EBF3: variants seen among roughly 807,000 people sequenced by gnomAD.
The protein encoded by EBF3 is transcription factor COE3.
EBF3 carries 18 observed loss-of-function variants against 77.1 expected under a neutral mutation model. That is an observed-to-expected ratio of 0.23 (90% confidence interval 0.16 to 0.35). The LOEUF (loss-of-function observed/expected upper bound fraction) is 0.35. EBF3 is among the 10% of genes least tolerant of loss of function. The pLI, the probability that EBF3 is intolerant of heterozygous loss-of-function variation, is 1.00. For synonymous variants in EBF3, 350 were observed against 343.5 expected (o/e 1.02, Z -0.21); for missense variants, 558 against 860.0 (o/e 0.65, Z 4.39).
Position 129,947,630 on chromosome 10 carries a change from G to C in EBF3, c.554+9628C>G, listed in dbSNP as rs1858325838. Among the ~76,000 whole-genome samples, 1 of 149,472 alleles carries C rather than the reference G, an allele frequency of 6.7e-6. No homozygotes were observed. Among genetic ancestry groups the C allele is most frequent in the Admixed American group, 6.7e-5 (1 of 14,944 alleles). On this transcript the variant is annotated intron_variant, in intron 6 of 16. Coordinates refer to ENST00000440978, the MANE Select transcript of EBF3 (RefSeq NM_001375380.1). The surrounding 1 kb of genome is among the most constrained non-coding windows in gnomAD (Gnocchi z 4.5). ...AATTGAGCAATGCCACTTAAATTCT[G>C]AATATAAAGTTAAAATGTTTTCATT...
In EBF3 at chr10:129,958,928, G is replaced by A; in HGVS notation, c.485+6C>T. On this transcript the variant is annotated splice_donor_region_variant and intron_variant, in intron 5 of 16. Coordinates refer to ENST00000440978, the MANE Select transcript of EBF3 (RefSeq NM_001375380.1). ...GCGCCCCCGCCGCCCGCCGCCCGCC[G>A]CTCACCTGCACATGATCTCGTGGGT... is the stretch of plus-strand genomic sequence containing the variant. 6.3e-7 allele frequency: 1 copy of A among 1,587,964 alleles called. No homozygotes were observed. Among genetic ancestry groups the A allele is most frequent in the Admixed American group, 1.7e-5 (1 of 57,444 alleles).
chr10:129,886,534 G>A (rs1853598681), intron 6 of EBF3, among the ~76,000 whole-genome samples: 1 of 152,194 alleles, frequency 6.6e-6, no homozygotes, highest in Non-Finnish European at 1.5e-5. Context: ...TGTGGCTCGG[G>A]GAAGGACCAA....
At chr10:129,951,102 G>A (rs909524143) in intron 6 of EBF3, among the ~76,000 whole-genome samples, 8 of 152,266 alleles carry the variant, frequency 5.3e-5, no homozygotes, top group East Asian at 1.9e-4. Flanking sequence ...AAAGATCACC[G>A]TCCTCCTGGT....
At chr10:129,954,414 C>G (rs1449747366) in intron 6 of EBF3, among the ~76,000 whole-genome samples, 1 of 135,888 alleles carries the variant, frequency 7.4e-6, no homozygotes, top group Non-Finnish European at 1.6e-5. Context: ...GCCTCACTTC[C>G]CCCCCCCCTT....
chr10:129,872,312 T>C (rs141723751), intron 8 of EBF3, among the ~76,000 whole-genome samples: 13 of 152,374 alleles, frequency 8.5e-5, no homozygotes, highest in Admixed American at 8.5e-4. Context: ...CGTCACAGGC[T>C]CTAATGACAT....
rs1852316558 is a variant in EBF3 at position 129,870,287 on chromosome 10, C to T, written c.782-2375G>A. Among the ~76,000 whole-genome samples, 2 of 151,984 alleles carry T rather than the reference C, an allele frequency of 1.3e-5. No homozygotes were observed. The highest frequency in any genetic ancestry group is 2.4e-5 in the African/African-American group (1 of 41,370). On this transcript the variant is annotated intron_variant, in intron 8 of 16. Coordinates refer to ENST00000440978, the MANE Select transcript of EBF3 (RefSeq NM_001375380.1). This position sits in a 1 kb window ranked among gnomAD's most constrained non-coding sequence, Gnocchi z 4.4. The stretch of plus-strand genomic sequence containing the variant: ...ATAGCAAAATGAATTACACAGACAG[C>T]GTTAGAGATCTAATGATATACGCGC...
At chr10:129,933,223 T>A (rs375502737) in intron 6 of EBF3, among the ~76,000 whole-genome samples, 3 of 152,116 alleles carry the variant, frequency 2.0e-5, no homozygotes, top group African/African-American at 7.2e-5. Context: ...CACACACACA[T>A]ACGGGCACCA....
At chr10:129,860,565 G>T (rs887503904) in intron 10 of EBF3, among the ~76,000 whole-genome samples, 6 of 152,198 alleles carry the variant, frequency 3.9e-5, no homozygotes, top group Non-Finnish European at 8.8e-5. Flanking sequence ...CAATCGGGGT[G>T]CAGGGTGCAG....
At chr10:129,884,199 C>T (rs537508824) in intron 6 of EBF3, among the ~76,000 whole-genome samples, 1 of 152,288 alleles carries the variant, frequency 6.6e-6, no homozygotes, top group South Asian at 2.1e-4. Flanking sequence ...GGCCATCAGT[C>T]GCTGGAGTAT....
chr10:129,867,987 CGTCCCGCGGCCACCGCGG>C, intron 8 of EBF3, 75 bp from the exon 9 acceptor site: 1 of 1,566,164 alleles, frequency 6.4e-7, no homozygotes, highest in Non-Finnish European at 8.7e-7. Context: ...GGCCACCGCG[CGTCCCGCGGCCACCGCGG>C]GAGGAGAGGC....
At position 129,897,326 on chromosome 10, in the gene EBF3, G is replaced by T. The variant is rs1854465663; in HGVS notation, c.555-19477C>A. Among the ~76,000 whole-genome samples, 2 of 152,150 alleles carry T rather than the reference G, an allele frequency of 1.3e-5. No individual in the cohort carries two copies. Among genetic ancestry groups the T allele is most frequent in the African/African-American group, 2.4e-5 (1 of 41,444 alleles). On this transcript the variant is annotated intron_variant, in intron 6 of 16. Coordinates refer to ENST00000440978, the MANE Select transcript of EBF3 (RefSeq NM_001375380.1). The surrounding 1 kb of genome is among the most constrained non-coding windows in gnomAD (Gnocchi z 4.6). ...AGGAGATGAGGCCCATGGCTGTGTG[G>T]GTGAGTTCTTGGGGGTACACCAGTG...
intron 10 of EBF3, among the ~76,000 whole-genome samples, chr10:129,866,611 C>T (rs1369926007): frequency 6.6e-6 from 1 of 152,218 alleles, no homozygotes; most frequent in Non-Finnish European, 1.5e-5. Flanking sequence ...GAAGCAGCGT[C>T]ATGCAGGGTT....
At chr10:129,957,112 A>G (rs1392582584) in intron 6 of EBF3, 146 bp downstream of exon 6, 7 of 641,460 alleles carry the variant, frequency 1.1e-5, no homozygotes, top group African/African-American at 3.7e-5. Flanking sequence ...CCTGTGCATG[A>G]TAACACACGC....
In EBF3 at chr10:129,836,585, C is replaced by A. The variant is rs901718678; in HGVS notation, c.*1358G>T. On this transcript the variant is annotated 3_prime_UTR_variant, in exon 17 of 17. Transcript: ENST00000440978. ...ATATAAAAATAAACAATGAATTTGA[C>A]TTTTCCTCAAAATAAAAAAAAAAAG... The A allele has an allele frequency of 8.1e-6, 1 of 124,166 alleles. No homozygotes were observed. Among genetic ancestry groups the A allele is most frequent in the African/African-American group, 2.7e-5 (1 of 36,552 alleles). The allele number at this position is 124,166 out of a possible 1,614,324, so 7.7% of individuals were successfully genotyped here. A position where few individuals can be genotyped will look rare whatever the true frequency, so the allele number is the denominator to read the frequency against.
At chr10:129,911,163 G>T (rs1201244048) in intron 6 of EBF3, among the ~76,000 whole-genome samples, 1 of 152,212 alleles carries the variant, frequency 6.6e-6, no homozygotes, top group East Asian at 1.9e-4. Flanking sequence ...CAGTGACCAA[G>T]CCCCACAGCT....
At chr10:129,899,363 C>T (rs12776159) in intron 6 of EBF3, among the ~76,000 whole-genome samples, 22,517 of 152,164 alleles carry the variant, frequency 0.15, 2,020 homozygotes, top group Admixed American at 0.21. Flanking sequence ...TTATGTGTGT[C>T]GGATGGTGAG....
At chr10:129,860,341 G>C (rs1025973816) in intron 10 of EBF3, among the ~76,000 whole-genome samples, 1 of 151,956 alleles carries the variant, frequency 6.6e-6, no homozygotes, top group South Asian at 2.1e-4. Flanking sequence ...CAGGAAGAGG[G>C]CCGGGCCCGC....
At chr10:129,877,490 A>G (rs1308121836) in intron 7 of EBF3, among the ~76,000 whole-genome samples, 1 of 151,800 alleles carries the variant, frequency 6.6e-6, no homozygotes, top group Non-Finnish European at 1.5e-5. Flanking sequence ...CCAAAAAAAA[A>G]AAAAAAAAAA....
In EBF3 at chr10:129,944,772, T is replaced by A. The variant is rs567208853; in HGVS notation, c.554+12486A>T. Among the ~76,000 whole-genome samples the A allele has an allele frequency of 6.6e-6, 1 of 152,218 alleles. No individual in the cohort carries two copies. The highest frequency in any genetic ancestry group is 1.9e-4 in the East Asian group (1 of 5,136). On this transcript the variant is annotated intron_variant, in intron 6 of 16. Coordinates refer to ENST00000440978, the MANE Select transcript of EBF3 (RefSeq NM_001375380.1). The surrounding 1 kb of genome is among the most constrained non-coding windows in gnomAD (Gnocchi z 5.1). ...AGCTTTTCTTCTGCAATTCACATTT[T>A]ACCTGGTGAAATATCATAAGAATTT...
Sources: gnomAD v4.1 joint callset for allele counts (sites outside exome capture counted in the v4.1 genomes callset) on GRCh38, gnomAD v4.1.1 for gene constraint, Gnocchi (gnomAD v3.1) non-coding constraint, MANE v1.5 for transcripts, NCBI Gene and HGNC (gene_info 2026-07-23, HGNC 2026-07-21) for gene names.